Variants in NDE1 observed in about 807,000 individuals in gnomAD.
NDE1 encodes the protein nuclear distribution protein nudE homolog 1.
NDE1 carries 28 observed loss-of-function variants against 43.4 expected under a neutral mutation model. The ratio of observed to expected loss-of-function variants is 0.65; its 90% CI spans 0.48 to 0.89. The LOEUF is 0.89. Among genes scored for constraint, NDE1 ranks in the 40% least tolerant of loss-of-function variants. The pLI, the probability that NDE1 is intolerant of heterozygous loss-of-function variation, is 0.00. For missense variants in NDE1, 441 were observed against 434.1 expected, an observed-to-expected ratio of 1.02 and a Z score of -0.14; for synonymous variants, 184 against 172.0, an observed-to-expected ratio of 1.07 and a Z score of -0.55.
rs371917483 is a variant in NDE1 at position 15,694,229 on chromosome 16, T to C, written c.768T>C (p.Ile256=). 4 of 1,613,694 alleles carry C rather than the reference T, an allele frequency of 2.5e-6. No homozygotes were observed. The highest frequency in any genetic ancestry group is 4.5e-5 in the East Asian group (2 of 44,892). ...TPAARISALN[I]VGDLLRKVGA... is the part of the protein sequence containing the mutation. The stretch of plus-strand genomic sequence containing the variant: ...CGGCCCGGATATCAGCCCTCAACAT[T>C]GTGGGAGACCTACTGCGGAAAGTCG... The change falls in exon 7 of 9, where the codon ATT becomes ATC. Residue 256 remains isoleucine (I), a synonymous_variant. Transcript: ENST00000396354.
intron 1 of NDE1, among the ~76,000 whole-genome samples, chr16:15,660,691 G>T (rs1451494889): frequency 2.6e-5 from 4 of 152,002 alleles, no homozygotes; most frequent in African/African-American, 9.7e-5. Context: ...AACTGTTCTT[G>T]CTCACACCGC....
intron 4 of NDE1, chr16:15,687,167 C>T: frequency 1.4e-6 from 2 of 1,480,878 alleles, no homozygotes; most frequent in Non-Finnish European, 1.8e-6. Flanking sequence ...GCCTCGTGCA[C>T]CCCATGAGCT....
chr16:15,705,797 T>A (rs1053072407), intron 8 of NDE1, among the ~76,000 whole-genome samples: 4 of 151,692 alleles, frequency 2.6e-5, no homozygotes, highest in African/African-American at 9.7e-5. Context: ...CTGGCTAACA[T>A]GGTGAAACCG....
intron 1 of NDE1, among the ~76,000 whole-genome samples, chr16:15,644,473 C>T (rs2036259865): frequency 6.6e-6 from 1 of 152,192 alleles, no homozygotes; most frequent in Non-Finnish European, 1.5e-5. Context: ...GTATTTATTA[C>T]TGCTGACTAA....
chr16:15,696,602 C>T lies in NDE1; in HGVS notation c.796-107C>T, dbSNP rs146362717. ...GGTCCCACCTTGGAATTCCAGTGCA[C>T]AACAGTTTGAGAACCACTGTCTGGG... On this transcript the variant is annotated intron_variant, in intron 7 of 8. Transcript: ENST00000396354. 9.4e-5 allele frequency: 149 copies of T among 1,593,460 alleles called. 3 individuals carry two copies. The East Asian group carries it at 3.3e-3, about 36-fold the overall frequency.
At chr16:15,644,918 C>CTTTTTTTT (rs34053597) in intron 1 of NDE1, among the ~76,000 whole-genome samples, 3 of 129,608 alleles carry the variant, frequency 2.3e-5, no homozygotes, top group Non-Finnish European at 5.0e-5. Context: ...TTCCTTTTTA[C>CTTTTTTTT]TTTTTTTTTT....
rs11557090 is a variant in NDE1, at chr16:15,725,640, G to A, written c.*1389G>A. 18,130 of 400,094 alleles carry A rather than the reference G, an allele frequency of 0.045. 1,300 individuals are homozygous for A. The highest frequency in any genetic ancestry group is 0.22 in the African/African-American group (10,684 of 48,642). 24.8% of individuals were successfully genotyped at this position (400,094 alleles called of 1,614,324 possible). On this transcript the variant is annotated 3_prime_UTR_variant, in exon 9 of 9. Coordinates refer to ENST00000396354, the MANE Select transcript of NDE1 (RefSeq NM_017668.3). ...ATCTTGACACTGCTTATATGAGGGC[G>A]GCAAAAGCCCTGCTCTCAACTGCAT...
chr16:15,648,184 C>T (rs1255631592), upstream of NDE1, among the ~76,000 whole-genome samples: 4 of 151,974 alleles, frequency 2.6e-5, no homozygotes, highest in South Asian at 4.2e-4. Context: ...TGTCCATGAC[C>T]TCAAGCATTT....
rs79201290 is a variant in NDE1 at position 15,723,192 on chromosome 16, C to A, written c.948-999C>A. Among the ~76,000 whole-genome samples the A allele has an allele frequency of 5.1e-4, 78 of 152,244 alleles. 1 individual carries two copies. The East Asian group carries it at 0.012, about 24-fold the overall frequency. Reference sequence around the variant, plus strand: ...TACAATTAAGATTTGTGAATCTCATCACATGTAAGTTTTACCCCAAAAGAA... The same window carrying A: ...TACAATTAAGATTTGTGAATCTCATAACATGTAAGTTTTACCCCAAAAGAA... On this transcript the variant is annotated intron_variant, in intron 8 of 8. Transcript: ENST00000396354.
intron 8 of NDE1, among the ~76,000 whole-genome samples, chr16:15,716,563 C>A (rs934884564): frequency 6.6e-6 from 1 of 151,972 alleles, no homozygotes; most frequent in Non-Finnish European, 1.5e-5. Context: ...ACTGTGTCAC[C>A]CAGGCTGCAG....
upstream of NDE1, among the ~76,000 whole-genome samples, chr16:15,648,757 G>A (rs1048709085): frequency 1.3e-5 from 2 of 152,284 alleles, no homozygotes; most frequent in East Asian, 1.9e-4. Flanking sequence ...GCAGTGAGCC[G>A]AGATCGCACC....
chr16:15,718,108 C>A, intron 8 of NDE1: 1 of 762,524 alleles, frequency 1.3e-6, no homozygotes, highest in South Asian at 1.8e-5. Context: ...AAATGAGACA[C>A]TGCAGCGTGG....
chr16:15,686,375 ATTG>A (rs1459952895), intron 4 of NDE1: 20 of 985,180 alleles, frequency 2.0e-5, no homozygotes, highest in Non-Finnish European at 2.3e-5. Context: ...ATTATAACAG[ATTG>A]TTTTCTTACA....
At chr16:15,667,138 C>A in intron 2 of NDE1, 148 bp from the exon 3 acceptor site, 1 of 902,594 alleles carries the variant, frequency 1.1e-6, no homozygotes, top group African/African-American at 1.6e-5. Flanking sequence ...CCCAGCTACT[C>A]GGGAGACTGA....
At chr16:15,693,595 G>A (rs1021275726) in intron 6 of NDE1, among the ~76,000 whole-genome samples, 4 of 151,976 alleles carry the variant, frequency 2.6e-5, no homozygotes, top group African/African-American at 9.7e-5. Context: ...GAAACTAGGA[G>A]TTCATGATCA....
At chr16:15,698,428 G>T (rs1249377557) in intron 8 of NDE1, among the ~76,000 whole-genome samples, 2 of 152,214 alleles carry the variant, frequency 1.3e-5, no homozygotes, top group African/African-American at 4.8e-5. Context: ...TCAGATTCAG[G>T]AATTCTGCAA....
At chr16:15,718,961 C>T (rs778507944) in intron 8 of NDE1, 12 of 487,598 alleles carry the variant, frequency 2.5e-5, no homozygotes, top group Non-Finnish European at 4.5e-5. Context: ...AACCCCACCT[C>T]TACTAAAAAT....
At chr16:15,699,830 A>T (rs1313081653) in intron 8 of NDE1, 1 of 1,349,700 alleles carries the variant, frequency 7.4e-7, no homozygotes, top group Admixed American at 1.9e-5. Context: ...TAGGAAAACC[A>T]CGGAAGCTGA....
At position 15,676,957 on chromosome 16, in the gene NDE1, G is replaced by T. The variant is rs117475767; in HGVS notation, c.238-844G>T. Among the ~76,000 whole-genome samples, 181 of 152,242 alleles carry T rather than the reference G, an allele frequency of 1.2e-3. 2 individuals carry two copies. The East Asian group carries it at 0.028, about 23-fold the overall frequency. The stretch of plus-strand genomic sequence containing the variant: ...GTGGATGAGGCTTGGAGAGGTTTAC[G>T]TGGCTTGCTTTGGCTGTGGACACCT... On this transcript the variant is annotated intron_variant, in intron 3 of 8. Transcript: ENST00000396354.
Sources: gnomAD v4.1 joint callset for allele counts (sites outside exome capture counted in the v4.1 genomes callset) on GRCh38, gnomAD v4.1.1 for gene constraint, MANE v1.5 for transcripts, NCBI Gene and HGNC (gene_info 2026-07-23, HGNC 2026-07-21) for gene names.